SPTBN1: variants seen among roughly 807,000 people sequenced by gnomAD.
The protein encoded by SPTBN1 is spectrin beta, non-erythrocytic 1.
SPTBN1 carries 32 observed loss-of-function variants against 266.4 expected under a neutral mutation model. That is an observed-to-expected ratio of 0.12 (90% CI 0.09 to 0.16). The LOEUF (loss-of-function observed/expected upper bound fraction) is 0.16, where lower values mean the gene tolerates loss of function less well. SPTBN1 is among the 10% of genes least tolerant of loss of function. The pLI, the probability that SPTBN1 is intolerant of heterozygous loss-of-function variation, is 1.00. For missense variants in SPTBN1, 2,296 were observed against 3,067.1 expected (o/e 0.75, Z 5.94); for synonymous variants, 1,336 against 1,162.2 (o/e 1.15, Z -3.04).
Position 54,647,265 on chromosome 2 carries a change from A to G in SPTBN1, c.4997+4A>G, listed in dbSNP as rs771343731. The G allele has an allele frequency of 1.9e-6, 3 of 1,613,642 alleles. No homozygotes were observed. The South Asian group carries it at 3.3e-5, about 18-fold the overall frequency. On this transcript the variant is annotated splice_donor_region_variant and intron_variant, in intron 24 of 35. Transcript: ENST00000356805. ...TGGCCGACAGCCATCCTGAAAGGTG[A>G]GCGCTGCTTCATGAGTGTGAGACCC...
At chr2:54,560,370 C>T (rs1156680653) in intron 2 of SPTBN1, among the ~76,000 whole-genome samples, 1 of 151,890 alleles carries the variant, frequency 6.6e-6, no homozygotes, top group African/African-American at 2.4e-5. Flanking sequence ...CTGGAAGTCT[C>T]AGAAAAAAAG....
intron 1 of SPTBN1, among the ~76,000 whole-genome samples, chr2:54,517,195 A>AC (rs772801542): frequency 3.3e-5 from 5 of 151,920 alleles, no homozygotes; most frequent in Non-Finnish European, 5.9e-5. Flanking sequence ...TTTTCAGGCA[A>AC]CTCCGGGATG....
In SPTBN1 at chr2:54,609,307, A is replaced by G. The variant is rs150315772; in HGVS notation, c.301-2854A>G. ...GCTCTTGAATTTCTCCAAGATCCGT[A>G]TCATGAAAACCTTCACCCCTCTACC... On this transcript the variant is annotated intron_variant, in intron 3 of 35. Transcript: ENST00000356805. 4.1e-3 allele frequency among the ~76,000 whole-genome samples: 623 copies of G among 152,320 alleles called. 2 individuals are homozygous for G. Among genetic ancestry groups the G allele is most frequent in the Middle Eastern group, 0.014 (4 of 294 alleles).
intron 2 of SPTBN1, among the ~76,000 whole-genome samples, chr2:54,546,968 A>C (rs1212183617): frequency 6.6e-6 from 1 of 152,060 alleles, no homozygotes; most frequent in Non-Finnish European, 1.5e-5. Flanking sequence ...TAAAAAAAAA[A>C]AAAAAACCAC....
chr2:54,668,234 C>T, intron 35 of SPTBN1, 117 bp from the exon 36 acceptor site: 1 of 916,436 alleles, frequency 1.1e-6, no homozygotes. Context: ...GGACAGTGCC[C>T]AGAAGTGACT....
At chr2:54,483,403 T>C (rs1238334681) in intron 1 of SPTBN1, among the ~76,000 whole-genome samples, 1 of 152,136 alleles carries the variant, frequency 6.6e-6, no homozygotes. Context: ...AGAGGAAACA[T>C]GAAGTGTATA....
Position 54,540,086 on chromosome 2 carries a change from T to A in SPTBN1, c.148+13520T>A, listed in dbSNP as rs1671846276. ...TGGCTGTCTGTAAACCAGGAAGAGG[T>A]CCTTCACCAAGAACCCAACCATGCT... On this transcript the variant is annotated intron_variant, in intron 2 of 35. Coordinates refer to ENST00000356805, the MANE Select transcript of SPTBN1 (RefSeq NM_003128.3). This position sits in a 1 kb window ranked among gnomAD's most constrained non-coding sequence, Gnocchi z 5.6. Among the ~76,000 whole-genome samples, 1 of 152,096 alleles carries A rather than the reference T, an allele frequency of 6.6e-6. No homozygotes were observed. The highest frequency in any genetic ancestry group is 1.5e-5 in the Non-Finnish European group (1 of 68,014).
chr2:54,632,461 G>C, intron 16 of SPTBN1, 105 bp from the exon 17 acceptor site: 1 of 1,150,034 alleles, frequency 8.7e-7, no homozygotes, highest in Non-Finnish European at 1.3e-6. Flanking sequence ...TTTCATGTAA[G>C]TGTAATGAAG....
intron 2 of SPTBN1, among the ~76,000 whole-genome samples, chr2:54,586,320 G>A (rs1675292296): frequency 1.3e-5 from 2 of 152,164 alleles, no homozygotes; most frequent in South Asian, 4.1e-4. Flanking sequence ...TGGCCAAAAA[G>A]GGTTTAGGTG....
At chr2:54,462,003 G>A (rs1573196652) in intron 1 of SPTBN1, among the ~76,000 whole-genome samples, 1 of 152,128 alleles carries the variant, frequency 6.6e-6, no homozygotes, top group Non-Finnish European at 1.5e-5. Flanking sequence ...ATTCGTTTTG[G>A]AGTCAAACAG....
chr2:54,521,218 A>G (rs36018286), intron 1 of SPTBN1, among the ~76,000 whole-genome samples: 19,306 of 152,164 alleles, frequency 0.13, 1,415 homozygotes, highest in Middle Eastern at 0.19. Context: ...TCTCCATGCC[A>G]TGGGCACACT....
chr2:54,623,430 G>A, intron 9 of SPTBN1, 49 bp from the exon 10 acceptor site: 1 of 1,548,226 alleles, frequency 6.5e-7, no homozygotes, highest in African/African-American at 1.4e-5. Flanking sequence ...ATGACAGTGT[G>A]AAATTTTTTT....
chr2:54,472,045 T>TTTTTTTTTG (rs1693955249), intron 1 of SPTBN1, among the ~76,000 whole-genome samples: 2 of 139,790 alleles, frequency 1.4e-5, no homozygotes, highest in African/African-American at 2.8e-5. Flanking sequence ...TTTTTTTTTT[T>TTTTTTTTTG]GAGACTGAGT....
intron 1 of SPTBN1, among the ~76,000 whole-genome samples, chr2:54,490,989 G>C (rs1175494522): frequency 6.6e-6 from 1 of 152,162 alleles, no homozygotes; most frequent in Non-Finnish European, 1.5e-5. Context: ...CAAGTGAGGA[G>C]GGTGGTGAAA....
intron 8 of SPTBN1, among the ~76,000 whole-genome samples, chr2:54,621,758 A>G (rs1397460519): frequency 6.6e-6 from 1 of 152,192 alleles, no homozygotes; most frequent in African/African-American, 2.4e-5. Flanking sequence ...CTGCTCCAGG[A>G]AATTGGGTAT....
At chr2:54,511,711 A>G (rs957172326) in intron 1 of SPTBN1, among the ~76,000 whole-genome samples, 3 of 151,926 alleles carry the variant, frequency 2.0e-5, no homozygotes, top group South Asian at 2.1e-4. Context: ...TAAAAATACA[A>G]AAATTAGCCA....
chr2:54,575,077 G>A (rs1040461403), intron 2 of SPTBN1, among the ~76,000 whole-genome samples: 8 of 152,306 alleles, frequency 5.3e-5, no homozygotes, highest in East Asian at 1.9e-4. Flanking sequence ...AATTCAAGGC[G>A]TGTGCTTCGT....
chr2:54,633,282 T>C (rs957434506), intron 17 of SPTBN1, among the ~76,000 whole-genome samples: 3 of 152,260 alleles, frequency 2.0e-5, no homozygotes, highest in African/African-American at 7.2e-5. Flanking sequence ...TGGATAGTGC[T>C]GTAATAGGAT....
intron 35 of SPTBN1, 132 bp downstream of exon 35, chr2:54,667,778 C>T: frequency 1.3e-6 from 1 of 778,980 alleles, no homozygotes; most frequent in Non-Finnish European, 2.2e-6. Context: ...GCTCCAGTCA[C>T]CAGCACTAGA....
Sources: gnomAD v4.1 joint callset for allele counts (sites outside exome capture counted in the v4.1 genomes callset) on GRCh38, gnomAD v4.1.1 for gene constraint, Gnocchi (gnomAD v3.1) non-coding constraint, MANE v1.5 for transcripts, NCBI Gene and HGNC (gene_info 2026-07-23, HGNC 2026-07-21) for gene names.